The following CDH13 variants were observed in gnomAD, a reference collection of about 807,000 sequenced individuals.
CDH13 encodes cadherin-13.
A neutral mutation model predicts 63.8 loss-of-function variants in CDH13; 24 were observed. The ratio of observed to expected loss-of-function variants is 0.38; its 90% CI spans 0.27 to 0.53. The LOEUF is 0.53. Ranked by LOEUF, CDH13 falls within the 20% of genes least tolerant of loss-of-function variation. The pLI, the probability that CDH13 is intolerant of heterozygous loss-of-function variation, is 0.85. For missense variants in CDH13, 1,049 were observed against 903.1 expected, an observed-to-expected ratio of 1.16 and a Z score of -2.07; for synonymous variants, 503 against 355.3, an observed-to-expected ratio of 1.42 and a Z score of -4.67.
intron 1 of CDH13, among the ~76,000 whole-genome samples, chr16:82,803,360 A>G (rs1650893275): frequency 3.3e-5 from 5 of 152,226 alleles, no homozygotes; most frequent in African/African-American, 9.6e-5. Flanking sequence ...CTCAGAATTC[A>G]GGAAGGGGCA....
chr16:82,712,716 C>A (rs1465540591), intron 1 of CDH13, among the ~76,000 whole-genome samples: 5 of 152,150 alleles, frequency 3.3e-5, no homozygotes, highest in Non-Finnish European at 2.9e-5. Flanking sequence ...TGGCTGACTC[C>A]CTGAACTCTT....
intron 7 of CDH13, among the ~76,000 whole-genome samples, chr16:83,533,271 A>G (rs2075119128): frequency 6.6e-6 from 1 of 152,194 alleles, no homozygotes; most frequent in Non-Finnish European, 1.5e-5. Flanking sequence ...TTGCACTTAA[A>G]TGTGCTCGGA....
intron 2 of CDH13, among the ~76,000 whole-genome samples, chr16:82,883,039 T>C (rs2040760362): frequency 6.6e-6 from 1 of 152,206 alleles, no homozygotes; most frequent in Admixed American, 6.5e-5. Context: ...ATCTGGGTTT[T>C]ATTATCACCT....
At chr16:82,942,276 T>C (rs1393670126) in intron 2 of CDH13, among the ~76,000 whole-genome samples, 1 of 152,162 alleles carries the variant, frequency 6.6e-6, no homozygotes, top group Non-Finnish European at 1.5e-5. Flanking sequence ...ATTGAGAAGA[T>C]CACCCTTTCC....
intron 1 of CDH13, among the ~76,000 whole-genome samples, chr16:82,813,028 G>A (rs1298734033): frequency 2.0e-5 from 3 of 152,100 alleles, no homozygotes; most frequent in African/African-American, 7.2e-5. Flanking sequence ...ATGAAAAACT[G>A]AGTCAATGAT....
intron 10 of CDH13, among the ~76,000 whole-genome samples, chr16:83,741,500 A>ATATGTG (rs1555523569): frequency 5.5e-4 from 83 of 149,832 alleles, no homozygotes; most frequent in South Asian, 5.1e-3. Flanking sequence ...ATATATATAT[A>ATATGTG]TGTGTGTGTG....
chr16:82,665,956 C>G (rs4783253), intron 1 of CDH13, among the ~76,000 whole-genome samples: 3 of 151,858 alleles, frequency 2.0e-5, no homozygotes, highest in Non-Finnish European at 4.4e-5. Context: ...AAAATGGTTT[C>G]AATGGAGTAA....
chr16:83,122,622 C>A (rs188220498), intron 3 of CDH13, among the ~76,000 whole-genome samples: 4 of 152,232 alleles, frequency 2.6e-5, no homozygotes, highest in Admixed American at 1.3e-4. Context: ...TCCCTTTATC[C>A]CTATTCATTT....
chr16:83,242,906 C>T (rs1237947632), intron 5 of CDH13, among the ~76,000 whole-genome samples: 5 of 152,214 alleles, frequency 3.3e-5, no homozygotes, highest in Non-Finnish European at 7.3e-5. Context: ...TCATCAAGTA[C>T]AGCTAACATC....
intron 1 of CDH13, among the ~76,000 whole-genome samples, chr16:82,778,938 G>A (rs745731692): frequency 3.3e-5 from 5 of 152,076 alleles, no homozygotes; most frequent in Admixed American, 6.5e-5. Flanking sequence ...CTGAAGAAAG[G>A]AAATGATCAG....
chr16:82,979,547 C>G (rs550518273), intron 2 of CDH13, among the ~76,000 whole-genome samples: 1 of 152,168 alleles, frequency 6.6e-6, no homozygotes, highest in South Asian at 2.1e-4. Flanking sequence ...AGGGCGTTTC[C>G]CCCTTTTGCT....
intron 7 of CDH13, among the ~76,000 whole-genome samples, chr16:83,504,144 G>A (rs1443263319): frequency 6.6e-6 from 1 of 152,148 alleles, no homozygotes; most frequent in African/African-American, 2.4e-5. Flanking sequence ...AATAAAAGAT[G>A]CCCGTTCCTC....
At chr16:83,078,879 C>G (rs2033039547) in intron 3 of CDH13, among the ~76,000 whole-genome samples, 1 of 152,172 alleles carries the variant, frequency 6.6e-6, no homozygotes, top group East Asian at 1.9e-4. Context: ...ACTGCAACCT[C>G]CGCCTCCCAG....
rs571744625 is a variant in CDH13 at position 82,846,352 on chromosome 16, T to C, written c.46-12010T>C. 3.2e-4 allele frequency among the ~76,000 whole-genome samples: 49 copies of C among 151,948 alleles called. 1 individual carries two copies. The South Asian group carries it at 8.7e-3, about 27-fold the overall frequency. On this transcript the variant is annotated intron_variant, in intron 1 of 13. Coordinates refer to ENST00000567109, the MANE Select transcript of CDH13 (RefSeq NM_001257.5). ...TATAACTATAATATTAATGTATACT[T>C]ATTATATAAGAAATATATATCAGCT...
At chr16:83,203,906 C>A (rs1443730341) in intron 4 of CDH13, among the ~76,000 whole-genome samples, 2 of 152,080 alleles carry the variant, frequency 1.3e-5, no homozygotes, top group African/African-American at 4.8e-5. Flanking sequence ...CACACAAAAC[C>A]CTTCAAATTA....
At chr16:83,204,186 C>G (rs1029293080) in intron 4 of CDH13, among the ~76,000 whole-genome samples, 1 of 152,162 alleles carries the variant, frequency 6.6e-6, no homozygotes, top group Admixed American at 6.5e-5. Flanking sequence ...GTTGAGTGCT[C>G]CTACCCAACT....
intron 5 of CDH13, among the ~76,000 whole-genome samples, chr16:83,246,010 T>G (rs1385317051): frequency 6.6e-6 from 1 of 152,234 alleles, no homozygotes; most frequent in Admixed American, 6.5e-5. Context: ...GAGCTGGGAT[T>G]GCAGGTGTGA....
At chr16:82,815,542 C>G (rs1340532301) in intron 1 of CDH13, among the ~76,000 whole-genome samples, 1 of 152,182 alleles carries the variant, frequency 6.6e-6, no homozygotes, top group Non-Finnish European at 1.5e-5. Context: ...TGTTCAGAAA[C>G]AAGCTGGTTT....
intron 4 of CDH13, among the ~76,000 whole-genome samples, chr16:83,199,870 A>G (rs2038974556): frequency 6.6e-6 from 1 of 152,186 alleles, no homozygotes; most frequent in Non-Finnish European, 1.5e-5. Flanking sequence ...GGTTAAAACC[A>G]AGGGCACATT....
Sources: allele counts gnomAD v4.1 joint callset (sites outside exome capture counted in the v4.1 genomes callset), GRCh38; gene constraint gnomAD v4.1.1; transcripts MANE v1.5; gene names NCBI Gene and HGNC (gene_info 2026-07-23, HGNC 2026-07-21).